Variants in MALRD1 observed in about 807,000 individuals in gnomAD.
MALRD1 encodes MAM and LDL receptor class A domain containing 1, also known as MAM and LDL-receptor class A domain-containing protein 1.
MALRD1 carries 247 observed loss-of-function variants against 242.1 expected under a neutral mutation model. That is an observed-to-expected ratio of 1.02 (90% CI 0.92 to 1.13). MALRD1 has a LOEUF of 1.13. MALRD1 is among the 50% of genes most tolerant of loss of function. The pLI is 0.00. For missense variants in MALRD1, 2,989 were observed against 2,533.1 expected, an observed-to-expected ratio of 1.18 and a Z score of -3.86; for synonymous variants, 995 against 866.6, an observed-to-expected ratio of 1.15 and a Z score of -2.60.
In MALRD1 at chr10:19,133,952, T is replaced by C. The variant is rs539315881; in HGVS notation, c.1203+4T>C. On this transcript the variant is annotated splice_donor_region_variant and intron_variant, in intron 9 of 39. Transcript: ENST00000454679. Reference sequence around the variant, plus strand: ...AGAAGATCTGAAGACATTTAAGGTATGAAAGAAAAAAAAAAAGTATTTTTT... The same window carrying C: ...AGAAGATCTGAAGACATTTAAGGTACGAAAGAAAAAAAAAAAGTATTTTTT... 7.5e-5 allele frequency: 91 copies of C among 1,217,014 alleles called. No homozygotes were observed. The African/African-American group carries it at 1.1e-3, about 15-fold the overall frequency. The allele number at this position is 1,217,014 out of a possible 1,614,324, so 75.4% of individuals were successfully genotyped here. A position where few individuals can be genotyped will look rare whatever the true frequency, so the allele number is the denominator to read the frequency against.
chr10:19,191,102 T>C (rs1835955810), intron 14 of MALRD1, among the ~76,000 whole-genome samples: 1 of 152,062 alleles, frequency 6.6e-6, no homozygotes, highest in Non-Finnish European at 1.5e-5. Context: ...CTTCTAAAAC[T>C]CAATAATAAA....
intron 31 of MALRD1, among the ~76,000 whole-genome samples, chr10:19,503,349 T>A (rs1838059990): frequency 6.6e-6 from 1 of 152,218 alleles, no homozygotes; most frequent in South Asian, 2.1e-4. Flanking sequence ...AGCTGTTAAT[T>A]AAAATTGTAT....
chr10:19,387,536 C>T lies in MALRD1; in HGVS notation c.4450C>T (p.Pro1484Ser), dbSNP rs1212281702. ...CTTTTGTTTTGTTTTAGGTTTCTGCCCACTTGGCTATAGGGAATGTCATAA... is the reference window on the plus strand; with the variant it reads ...CTTTTGTTTTGTTTTAGGTTTCTGCTCACTTGGCTATAGGGAATGTCATAA... ...LAVPLPTGFC[P>S]LGYRECHNGK... Residue 1484 changes from proline (P) to serine (S), a missense_variant, in exon 27 of 40, where the codon CCA becomes TCA. Physicochemically the swap from Pro to Ser is moderately conservative, Grantham distance 74. Transcript: ENST00000454679. 9 of 1,549,434 alleles carry T rather than the reference C, an allele frequency of 5.8e-6. No homozygotes were observed. The highest frequency in any genetic ancestry group is 7.8e-6 in the Non-Finnish European group (9 of 1,146,552).
intron 10 of MALRD1, among the ~76,000 whole-genome samples, chr10:19,144,169 G>A (rs1257737210): frequency 1.3e-5 from 2 of 152,112 alleles, no homozygotes; most frequent in Non-Finnish European, 2.9e-5. Flanking sequence ...CCATTTAGAG[G>A]GAAAAATAAT....
chr10:19,724,609 C>G (rs1198879416), intron 38 of MALRD1, among the ~76,000 whole-genome samples: 1 of 152,176 alleles, frequency 6.6e-6, no homozygotes, highest in Non-Finnish European at 1.5e-5. Flanking sequence ...CACCCTGAAA[C>G]TGTCCAACAT....
intron 36 of MALRD1, among the ~76,000 whole-genome samples, chr10:19,691,321 A>C (rs1842810498): frequency 6.6e-6 from 1 of 150,922 alleles, no homozygotes; most frequent in Admixed American, 6.6e-5. Context: ...TATTTAAAGA[A>C]GCTGATTGCT....
Position 19,479,489 on chromosome 10 carries a change from C to T in MALRD1, c.5030-12028C>T, listed in dbSNP as rs182292237. 1.5e-4 allele frequency among the ~76,000 whole-genome samples: 23 copies of T among 152,268 alleles called. No individual in the cohort carries two copies. In the East Asian group the frequency reaches 4.4e-3, roughly 29 times the overall value. Reference sequence around the variant, plus strand: ...GTATTCTGGCTTGGCTATTAAGTAACTACATGAAATTAGGTAAGTGACATA... The same window carrying T: ...GTATTCTGGCTTGGCTATTAAGTAATTACATGAAATTAGGTAAGTGACATA... On this transcript the variant is annotated intron_variant, in intron 29 of 39. Coordinates refer to ENST00000454679, the MANE Select transcript of MALRD1 (RefSeq NM_001142308.3).
At chr10:19,625,464 A>G (rs924096078) in intron 36 of MALRD1, among the ~76,000 whole-genome samples, 1 of 152,064 alleles carries the variant, frequency 6.6e-6, no homozygotes, top group Non-Finnish European at 1.5e-5. Flanking sequence ...TCCTCTCTAG[A>G]ACATTCCCTG....
At chr10:19,426,656 A>G (rs1833913955) in intron 28 of MALRD1, among the ~76,000 whole-genome samples, 2 of 152,106 alleles carry the variant, frequency 1.3e-5, no homozygotes, top group Non-Finnish European at 2.9e-5. Flanking sequence ...ACAAAAAATT[A>G]GCTGGGCATG....
intron 7 of MALRD1, among the ~76,000 whole-genome samples, chr10:19,125,353 CTTTCTTT>C (rs1837241767): frequency 9.4e-6 from 1 of 106,678 alleles, no homozygotes; most frequent in African/African-American, 3.8e-5. Flanking sequence ...TTCTTTCTTT[CTTTCTTT>C]CTTTCTTTCT....
intron 26 of MALRD1, among the ~76,000 whole-genome samples, chr10:19,385,579 T>C (rs1846039526): frequency 6.6e-6 from 1 of 152,090 alleles, no homozygotes; most frequent in African/African-American, 2.4e-5. Flanking sequence ...TGGAATCAGT[T>C]GTATTAACTC....
At chr10:19,620,051 G>A (rs980781500) in intron 36 of MALRD1, among the ~76,000 whole-genome samples, 1 of 150,880 alleles carries the variant, frequency 6.6e-6, no homozygotes, top group South Asian at 2.1e-4. Context: ...TTTATATTTT[G>A]TGGCAGAAAA....
intron 35 of MALRD1, among the ~76,000 whole-genome samples, chr10:19,608,580 A>G (rs1178966668): frequency 6.6e-6 from 1 of 152,096 alleles, no homozygotes; most frequent in Non-Finnish European, 1.5e-5. Context: ...GTCCTAACTA[A>G]AGGATAATAT....
At chr10:19,467,828 C>G (rs1251549010) in intron 29 of MALRD1, among the ~76,000 whole-genome samples, 1 of 150,008 alleles carries the variant, frequency 6.7e-6, no homozygotes, top group Admixed American at 6.7e-5. Context: ...GAGTTTCACT[C>G]TGTTGCCCAG....
At chr10:19,583,742 A>C (rs1589266786) in intron 33 of MALRD1, among the ~76,000 whole-genome samples, 1 of 151,650 alleles carries the variant, frequency 6.6e-6, no homozygotes, top group Non-Finnish European at 1.5e-5. Context: ...GCCTCATAAA[A>C]TGAGTTAGGG....
rs572840943 is a variant in MALRD1, at chr10:19,543,566, A to G, written c.5478+12215A>G. On this transcript the variant is annotated intron_variant, in intron 32 of 39. Coordinates refer to ENST00000454679, the MANE Select transcript of MALRD1 (RefSeq NM_001142308.3). ...TGAGATTACAGGTCTGAGCCACCATACTAGGCTTACTCCGCTTTTTGAGTT... is the reference window on the plus strand; with the variant it reads ...TGAGATTACAGGTCTGAGCCACCATGCTAGGCTTACTCCGCTTTTTGAGTT... Among the ~76,000 whole-genome samples the G allele has an allele frequency of 2.7e-5, 4 of 150,718 alleles. No homozygotes were observed. The South Asian group carries it at 8.3e-4, about 31-fold the overall frequency.
At chr10:19,545,312 A>G (rs1243480661) in intron 32 of MALRD1, among the ~76,000 whole-genome samples, 1 of 152,200 alleles carries the variant, frequency 6.6e-6, no homozygotes, top group Non-Finnish European at 1.5e-5. Context: ...TAGGGCTGCA[A>G]CATATGAACT....
intron 31 of MALRD1, among the ~76,000 whole-genome samples, chr10:19,509,439 G>C (rs147327508): frequency 2.0e-5 from 3 of 152,222 alleles, no homozygotes; most frequent in Admixed American, 6.5e-5. Context: ...GGTTGCAGTT[G>C]GTTATCTAGG....
chr10:19,386,209 A>G (rs1394197797), intron 26 of MALRD1, among the ~76,000 whole-genome samples: 1 of 152,082 alleles, frequency 6.6e-6, no homozygotes, highest in African/African-American at 2.4e-5. Context: ...AAGCTTCTAT[A>G]TGAGGTTGTA....
Sources: allele counts gnomAD v4.1 joint callset (sites outside exome capture counted in the v4.1 genomes callset), GRCh38; gene constraint gnomAD v4.1.1; transcripts MANE v1.5; gene names NCBI Gene and HGNC (gene_info 2026-07-23, HGNC 2026-07-21).